Variants in TNIK observed in about 807,000 individuals in gnomAD.
TNIK encodes the protein TRAF2 and NCK interacting kinase.
Under a neutral mutation model 191.3 loss-of-function variants are expected in TNIK, and 49 were observed. The ratio of observed to expected loss-of-function variants is 0.26; its 90% CI spans 0.20 to 0.32. The LOEUF is 0.32. TNIK is among the 10% of genes least tolerant of loss of function. The pLI is 1.00. For synonymous variants in TNIK, 594 were observed against 600.9 expected (o/e 0.99, Z 0.17); for missense variants, 1,155 against 1,702.3 (o/e 0.68, Z 5.66).
intron 23 of TNIK, among the ~76,000 whole-genome samples, chr3:171,092,536 T>A (rs141565676): frequency 3.3e-5 from 5 of 152,228 alleles, no homozygotes; most frequent in African/African-American, 1.2e-4. Flanking sequence ...ATTGAAATTA[T>A]CCATTAACCA....
At chr3:171,407,751 C>T (rs375595072) in intron 1 of TNIK, among the ~76,000 whole-genome samples, 2 of 152,326 alleles carry the variant, frequency 1.3e-5, no homozygotes, top group African/African-American at 4.8e-5. Flanking sequence ...ATTTGTGACA[C>T]GACAGCATCT....
At chr3:171,363,183 A>T (rs1715231898) in intron 2 of TNIK, among the ~76,000 whole-genome samples, 1 of 152,184 alleles carries the variant, frequency 6.6e-6, no homozygotes, top group Admixed American at 6.5e-5. Context: ...CAGCCCCCAC[A>T]ACAAAGAATT....
intron 6 of TNIK, 123 bp from the exon 7 acceptor site, chr3:171,188,955 T>C (rs1212852952): frequency 8.1e-7 from 1 of 1,240,622 alleles, no homozygotes; most frequent in Non-Finnish European, 1.1e-6. Context: ...TTTTGACCAT[T>C]TTCAAATGTA....
Position 171,368,210 on chromosome 3 carries a change from T to G in TNIK, c.123+1410A>C, listed in dbSNP as rs567769063. Among the ~76,000 whole-genome samples the G allele has an allele frequency of 1.3e-4, 20 of 152,254 alleles. No individual in the cohort carries two copies. The South Asian group carries it at 4.1e-3, about 32-fold the overall frequency. Reference sequence around the variant, plus strand: ...CTGTGAAATGTCTCCCAAATGTATATTCTATGGGTGGGAAACATAATGAAA... The same window carrying G: ...CTGTGAAATGTCTCCCAAATGTATAGTCTATGGGTGGGAAACATAATGAAA... On this transcript the variant is annotated intron_variant, in intron 2 of 32. Transcript: ENST00000436636.
At chr3:171,112,762 T>C (rs1284534617) in intron 18 of TNIK, among the ~76,000 whole-genome samples, 1 of 152,188 alleles carries the variant, frequency 6.6e-6, no homozygotes, top group East Asian at 1.9e-4. Flanking sequence ...TTAACTGCAT[T>C]GTGAGCATAT....
At chr3:171,389,044 A>T (rs886894839) in intron 1 of TNIK, among the ~76,000 whole-genome samples, 2 of 152,164 alleles carry the variant, frequency 1.3e-5, no homozygotes, top group Non-Finnish European at 1.5e-5. Context: ...TGTAATCCTG[A>T]CATGAACTCT....
Position 171,188,585 on chromosome 3 carries a change from T to C in TNIK, c.639+117A>G, listed in dbSNP as rs1428869429. On this transcript the variant is annotated intron_variant, in intron 7 of 32. Coordinates refer to ENST00000436636, the MANE Select transcript of TNIK (RefSeq NM_015028.4). ...TCTTACAGGTCTTAAACTCAAATAATGTTTTTCAGTTCTCCCTTTGGGTGA... is the reference window on the plus strand; with the variant it reads ...TCTTACAGGTCTTAAACTCAAATAACGTTTTTCAGTTCTCCCTTTGGGTGA... 1.0e-5 allele frequency: 13 copies of C among 1,300,746 alleles called. No homozygotes were observed. The South Asian group carries it at 1.4e-4, about 14-fold the overall frequency. The allele number at this position is 1,300,746 out of a possible 1,614,324, so 80.6% of individuals were successfully genotyped here.
chr3:171,155,940 C>T (rs967010848), intron 12 of TNIK, among the ~76,000 whole-genome samples: 1 of 152,166 alleles, frequency 6.6e-6, no homozygotes, highest in Non-Finnish European at 1.5e-5. Flanking sequence ...AAGTTATTAA[C>T]CTCTCTAAGA....
intron 23 of TNIK, among the ~76,000 whole-genome samples, chr3:171,087,988 C>T (rs1434213486): frequency 6.6e-6 from 1 of 152,208 alleles, no homozygotes; most frequent in African/African-American, 2.4e-5. Flanking sequence ...AGAGACCATA[C>T]TTAACTCACA....
chr3:171,188,063 G>C (rs1174888803), intron 7 of TNIK, among the ~76,000 whole-genome samples: 1 of 152,226 alleles, frequency 6.6e-6, no homozygotes, highest in Non-Finnish European at 1.5e-5. Context: ...TTATTGGCTA[G>C]CAGAATAGAA....
intron 2 of TNIK, among the ~76,000 whole-genome samples, chr3:171,241,032 TTTC>T (rs1560308563): frequency 5.0e-5 from 7 of 138,808 alleles, no homozygotes. Flanking sequence ...TTTTTTTTCT[TTTC>T]TTTTTTTTTT....
intron 2 of TNIK, among the ~76,000 whole-genome samples, chr3:171,283,022 A>G (rs1485052276): frequency 6.6e-6 from 1 of 152,194 alleles, no homozygotes; most frequent in Non-Finnish European, 1.5e-5. Flanking sequence ...TTTCCATGCT[A>G]TCTTCCTGTG....
At chr3:171,374,684 C>T (rs1424769496) in intron 1 of TNIK, among the ~76,000 whole-genome samples, 3 of 152,202 alleles carry the variant, frequency 2.0e-5, no homozygotes, top group Admixed American at 2.0e-4. Context: ...AATATAACTA[C>T]ATATCAAAAG....
At chr3:171,252,147 G>A (rs1000934434) in intron 2 of TNIK, among the ~76,000 whole-genome samples, 1 of 151,928 alleles carries the variant, frequency 6.6e-6, no homozygotes, top group Non-Finnish European at 1.5e-5. Context: ...TTCAGCCATT[G>A]TTTCCCCTCC....
intron 1 of TNIK, among the ~76,000 whole-genome samples, chr3:171,450,557 T>C (rs920067354): frequency 6.6e-5 from 10 of 152,200 alleles, no homozygotes; most frequent in Non-Finnish European, 1.3e-4. Flanking sequence ...AAGAGGTAAA[T>C]TGGATCACCA....
intron 2 of TNIK, among the ~76,000 whole-genome samples, chr3:171,247,736 G>A (rs1745760623): frequency 6.6e-6 from 1 of 152,166 alleles, no homozygotes; most frequent in Non-Finnish European, 1.5e-5. Context: ...GATGTGATGA[G>A]TTTCAAAAAG....
At chr3:171,107,890 A>C (rs934191292) in intron 20 of TNIK, 175 bp downstream of exon 20, 5 of 546,708 alleles carry the variant, frequency 9.1e-6, no homozygotes, top group African/African-American at 1.9e-5. Context: ...AGTCAATCCA[A>C]GATCTCTTCG....
At chr3:171,230,308 A>G (rs1743463534) in intron 2 of TNIK, among the ~76,000 whole-genome samples, 1 of 152,222 alleles carries the variant, frequency 6.6e-6, no homozygotes, top group South Asian at 2.1e-4. Context: ...AGTGGACTTT[A>G]AAGTAATGGC....
At chr3:171,444,507 C>T (rs1366874042) in intron 1 of TNIK, among the ~76,000 whole-genome samples, 5 of 150,258 alleles carry the variant, frequency 3.3e-5, no homozygotes, top group African/African-American at 9.8e-5. Flanking sequence ...AACAGGAAAT[C>T]GACATCAGAA....
Sources: gnomAD v4.1 joint callset for allele counts (sites outside exome capture counted in the v4.1 genomes callset) on GRCh38, gnomAD v4.1.1 for gene constraint, MANE v1.5 for transcripts, NCBI Gene and HGNC (gene_info 2026-07-23, HGNC 2026-07-21) for gene names.